Variants in TDRD12 observed in about 807,000 individuals in gnomAD.
TDRD12 encodes the protein tudor domain containing 12.
TDRD12 carries 158 observed loss-of-function variants against 133.5 expected under a neutral mutation model. That is an observed-to-expected ratio of 1.18 (90% confidence interval 1.04 to 1.35). The LOEUF is 1.35. TDRD12 is among the 40% of genes most tolerant of loss of function. The pLI, the probability that TDRD12 is intolerant of heterozygous loss-of-function variation, is 0.00. For synonymous variants in TDRD12, 460 were observed against 477.9 expected (o/e 0.96, Z 0.49); for missense variants, 1,443 against 1,321.3 (o/e 1.09, Z -1.43).
intron 1 of TDRD12, among the ~76,000 whole-genome samples, chr19:32,721,466 A>G (rs1008059710): frequency 2.6e-5 from 4 of 151,674 alleles, no homozygotes; most frequent in Non-Finnish European, 4.4e-5. Flanking sequence ...GCTCACTGCA[A>G]CCTCCGCTTC....
chr19:32,825,060 C>G (rs930411721), downstream of TDRD12, among the ~76,000 whole-genome samples: 3 of 152,144 alleles, frequency 2.0e-5, no homozygotes, highest in African/African-American at 7.2e-5. This position sits in a 1 kb window ranked among gnomAD's most constrained non-coding sequence, Gnocchi z 4.1. Context: ...GTGATCAGGC[C>G]AGGCCACCCC....
At chr19:32,807,267 T>TAAAAAAAAAAAAAAAAAAA (rs59421213) in intron 21 of TDRD12, among the ~76,000 whole-genome samples, 2 of 47,208 alleles carry the variant, frequency 4.2e-5, no homozygotes, top group East Asian at 8.7e-4. Context: ...ACCAAACTCT[T>TAAAAAAAAAAAAAAAAAAA]AAAAAAAAAA....
intron 1 of TDRD12, among the ~76,000 whole-genome samples, chr19:32,724,380 C>T (rs1280129559): frequency 6.6e-6 from 1 of 152,106 alleles, no homozygotes; most frequent in East Asian, 1.9e-4. Context: ...TACTCTCCCT[C>T]CCCTCTGTCC....
chr19:32,753,049 C>A (rs1969882765), intron 6 of TDRD12, among the ~76,000 whole-genome samples: 2 of 152,016 alleles, frequency 1.3e-5, no homozygotes, highest in Admixed American at 6.6e-5. Context: ...ACCTTGGCCT[C>A]CCAAAGTGCT....
chr19:32,738,872 G>A, exon 3 of TDRD12: 2 of 1,551,264 alleles, frequency 1.3e-6, no homozygotes, highest in Non-Finnish European at 1.7e-6. Context: ...GTGGTCTATT[G>A]TGAGGAGCTA....
chr19:32,736,886 CA>C (rs779645232), intron 2 of TDRD12, among the ~76,000 whole-genome samples: 10 of 152,148 alleles, frequency 6.6e-5, no homozygotes, highest in Non-Finnish European at 1.3e-4. Flanking sequence ...CAGGCATTTA[CA>C]GATGCTTCTT....
rs2145713504 is a variant in TDRD12, at chr19:32,805,541, G to T, written c.2553-2008G>T. Among the ~76,000 whole-genome samples the T allele has an allele frequency of 1.3e-5, 2 of 152,098 alleles. 1 individual carries two copies. The highest frequency in any genetic ancestry group is 2.9e-5 in the Non-Finnish European group (2 of 68,000). ...TGCGTTTGCCATGAGCCAGGTGATG[G>T]TATTTGTGGTCCATTTTTGGACTCT... On this transcript the variant is annotated intron_variant, in intron 21 of 27. Transcript: ENST00000444215.
At chr19:32,738,720 G>A (rs915230711) in intron 2 of TDRD12, 136 bp from the exon 3 acceptor site, 11 of 922,056 alleles carry the variant, frequency 1.2e-5, no homozygotes, top group Middle Eastern at 3.6e-4. Flanking sequence ...GGCTGAGGCA[G>A]GAGAATTGCT....
chr19:32,769,327 T>C (rs1209565523), intron 8 of TDRD12, among the ~76,000 whole-genome samples: 1 of 152,204 alleles, frequency 6.6e-6, no homozygotes, highest in Non-Finnish European at 1.5e-5. Flanking sequence ...CATGTGGGCA[T>C]CCAGTTGTTC....
intron 1 of TDRD12, among the ~76,000 whole-genome samples, chr19:32,723,632 G>T (rs1599818568): frequency 7.0e-6 from 1 of 142,688 alleles, no homozygotes. Context: ...CTTAGCTTTT[G>T]TAATATGCAT....
intron 4 of TDRD12, among the ~76,000 whole-genome samples, chr19:32,746,113 G>A (rs977500776): frequency 3.3e-5 from 5 of 149,710 alleles, no homozygotes; most frequent in Admixed American, 1.3e-4. Context: ...ACTGGCTGAT[G>A]TGGTTATTCT....
At chr19:32,794,460 T>C (rs1971164860) in intron 13 of TDRD12, among the ~76,000 whole-genome samples, 168 bp from the exon 14 acceptor site, 1 of 152,102 alleles carries the variant, frequency 6.6e-6, no homozygotes, top group African/African-American at 2.4e-5. Context: ...AGTCTTTTAA[T>C]AGGAGGTTGG....
At chr19:32,722,757 G>T (rs1213767166) in intron 1 of TDRD12, among the ~76,000 whole-genome samples, 3 of 149,388 alleles carry the variant, frequency 2.0e-5, no homozygotes, top group Admixed American at 1.4e-4. Flanking sequence ...TCGGCTCACT[G>T]CAACCTCCGC....
intron 21 of TDRD12, among the ~76,000 whole-genome samples, chr19:32,803,820 A>G (rs960318344): frequency 7.9e-5 from 12 of 152,082 alleles, no homozygotes; most frequent in Admixed American, 1.3e-4. Flanking sequence ...AATGATGTTG[A>G]ATATCTTTTC....
intron 8 of TDRD12, among the ~76,000 whole-genome samples, chr19:32,759,912 T>A (rs956069298): frequency 1.3e-5 from 2 of 152,234 alleles, no homozygotes; most frequent in African/African-American, 4.8e-5. Context: ...TCGTGCAGCG[T>A]GCTTGGCTCA....
intron 23 of TDRD12, 86 bp from the exon 24 acceptor site, chr19:32,811,122 TTA>T (rs10539757): frequency 0.046 from 49,056 of 1,076,802 alleles, 2,786 homozygotes; most frequent in East Asian, 0.24. Context: ...TGGAGTCTTT[TTA>T]TATGTTTTCC....
At chr19:32,721,293 A>G (rs1157271081) in intron 1 of TDRD12, among the ~76,000 whole-genome samples, 1 of 152,180 alleles carries the variant, frequency 6.6e-6, no homozygotes, top group Non-Finnish European at 1.5e-5. Context: ...GTTATTGGAG[A>G]AAGGAAATCT....
At chr19:32,719,964 G>A (rs1426225716) in exon 1 of TDRD12, 11 of 1,358,218 alleles carry the variant, frequency 8.1e-6, no homozygotes, top group Non-Finnish European at 1.1e-5. Flanking sequence ...TGGAGGGAAG[G>A]AACGCACTCG....
intron 25 of TDRD12, among the ~76,000 whole-genome samples, chr19:32,814,621 T>A (rs12461363): frequency 0.6 from 91,454 of 152,010 alleles, 28,647 homozygotes; most frequent in East Asian, 0.83. Flanking sequence ...GAAAAGCAGA[T>A]ATTTTATTAA....
Sources: allele counts gnomAD v4.1 joint callset (sites outside exome capture counted in the v4.1 genomes callset), GRCh38; gene constraint gnomAD v4.1.1; non-coding constraint Gnocchi (gnomAD v3.1); transcripts MANE v1.5; gene names NCBI Gene and HGNC (gene_info 2026-07-23, HGNC 2026-07-21).